The following PLEKHG6 variants were observed in gnomAD, a reference collection of about 807,000 sequenced individuals.
The protein encoded by PLEKHG6 is pleckstrin homology and RhoGEF domain containing G6, also known as pleckstrin homology domain-containing family G member 6.
In PLEKHG6, 91 loss-of-function variants were observed where a neutral mutation model predicts 97.5. The ratio of observed to expected loss-of-function variants is 0.93; its 90% CI spans 0.79 to 1.11. The LOEUF is 1.11. PLEKHG6 is among the 50% of genes most tolerant of loss of function. The pLI is 0.00. For missense variants in PLEKHG6, 1,044 were observed against 1,031.0 expected (o/e 1.01, Z -0.17); for synonymous variants, 466 against 425.5 (o/e 1.10, Z -1.17).
Position 6,317,971 on chromosome 12 carries a change from C to A in PLEKHG6, c.1132C>A (p.Pro378Thr). 1 of 1,589,686 alleles carries A rather than the reference C, an allele frequency of 6.3e-7. No individual in the cohort carries two copies. The highest frequency in any genetic ancestry group is 1.1e-5 in the South Asian group (1 of 87,094). The change falls in exon 10 of 16, where the codon CCA (proline) becomes ACA (threonine). Residue 378 changes from proline (P) to threonine (T), a missense_variant. Coordinates refer to ENST00000684764, the MANE Select transcript of PLEKHG6 (RefSeq NM_001384598.1). ...QRIGPYEVLE[P>T]PSDEVEKNLR... The stretch of plus-strand genomic sequence containing the variant: ...CATCGGGCCCTACGAGGTGCTGGAG[C>A]CACCCAGTGATGAGGTGGAGAAGGT...
At chr12:6,312,632 A>C in intron 2 of PLEKHG6, 1 of 1,258,354 alleles carries the variant, frequency 7.9e-7, no homozygotes, top group Non-Finnish European at 1.0e-6. Flanking sequence ...GTCTCAGACA[A>C]AGAGCTGCGG....
chr12:6,326,065 G>A (rs1947846177), intron 13 of PLEKHG6, among the ~76,000 whole-genome samples: 1 of 152,056 alleles, frequency 6.6e-6, no homozygotes, highest in Non-Finnish European at 1.5e-5. Flanking sequence ...CCAGCACTTT[G>A]GGAGGCCAAG....
chr12:6,322,806 G>A lies in PLEKHG6; in HGVS notation c.1525-3622G>A, dbSNP rs144856467. On this transcript the variant is annotated intron_variant, in intron 13 of 15. Transcript: ENST00000684764. ...TGAGGTGGGAGGATCACTTGAACCC[G>A]GGAGATAGAGCCTGCGGTGAGCTAT... 1.1e-4 allele frequency among the ~76,000 whole-genome samples: 17 copies of A among 152,228 alleles called. No individual in the cohort carries two copies. The East Asian group carries it at 2.9e-3, about 26-fold the overall frequency.
intron 13 of PLEKHG6, 98 bp from the exon 14 acceptor site, chr12:6,326,330 A>G: frequency 1.5e-6 from 1 of 687,198 alleles, no homozygotes; most frequent in Non-Finnish European, 2.4e-6. Flanking sequence ...TAATAAAATA[A>G]AATAAGGTAA....
At chr12:6,318,075 AC>A in intron 10 of PLEKHG6, 81 bp downstream of exon 10, 1 of 1,461,768 alleles carries the variant, frequency 6.8e-7, no homozygotes, top group Non-Finnish European at 9.2e-7. Context: ...AGGCCAGAAC[AC>A]CCCGTACTTG....
chr12:6,317,894 G>A lies in PLEKHG6; in HGVS notation c.1055G>A (p.Gly352Glu). 1 of 1,558,014 alleles carries A rather than the reference G, an allele frequency of 6.4e-7. No individual in the cohort carries two copies. Among genetic ancestry groups the A allele is most frequent in the Non-Finnish European group, 8.7e-7 (1 of 1,150,202 alleles). ...AVESFLRHIN[G>E]QVRQGEEQES... ...GAGTCATTCCTGCGACACATCAATG[G>A]GCAGGTCCGCCAGGGCGAAGAGCAA... The change falls in exon 10 of 16, where the codon GGG becomes GAG. Residue 352 changes from glycine (G) to glutamate (E), a missense_variant. Transcript: ENST00000684764.
chr12:6,322,638 G>A (rs2136774461), intron 13 of PLEKHG6, among the ~76,000 whole-genome samples: 1 of 152,342 alleles, frequency 6.6e-6, no homozygotes, highest in Middle Eastern at 3.4e-3. Flanking sequence ...CCAGCACTTT[G>A]AGAGGCTGAG....
In PLEKHG6 at chr12:6,328,117, C is replaced by T. The variant is rs1316532605; in HGVS notation, c.2364-19C>T. On this transcript the variant is annotated intron_variant, in intron 15 of 15. Transcript: ENST00000684764. ...CGTTGCCACTGAATGTCGCCTAACA[C>T]CCCCTCCTGTCTTTTCAGAGAGGTA... 1 of 1,613,898 alleles carries T rather than the reference C, an allele frequency of 6.2e-7. No individual in the cohort carries two copies. The highest frequency in any genetic ancestry group is 8.5e-7 in the Non-Finnish European group (1 of 1,179,782).
chr12:6,313,453 G>A (rs2136720425), intron 2 of PLEKHG6, among the ~76,000 whole-genome samples, 176 bp from the exon 3 acceptor site: 1 of 152,338 alleles, frequency 6.6e-6, no homozygotes, highest in Non-Finnish European at 1.5e-5. Context: ...GGCAGTGGCC[G>A]CTGTGACTCA....
At chr12:6,322,401 C>T (rs1244936271) in intron 13 of PLEKHG6, among the ~76,000 whole-genome samples, 1 of 152,076 alleles carries the variant, frequency 6.6e-6, no homozygotes, top group Non-Finnish European at 1.5e-5. Flanking sequence ...AAAAACACAC[C>T]CCAAGGGGAG....
At position 6,312,578 on chromosome 12, in the gene PLEKHG6, G is replaced by A. The variant is rs77218639; in HGVS notation, c.138+214G>A. The A allele has an allele frequency of 1.6e-3, 2,065 of 1,257,718 alleles. 23 individuals carry two copies. In the African/African-American group the frequency reaches 0.025, roughly 15 times the overall value. The allele number at this position is 1,257,718 out of a possible 1,614,324, so 77.9% of individuals were successfully genotyped here. A position where few individuals can be genotyped will look rare whatever the true frequency, so the allele number is the denominator to read the frequency against. On this transcript the variant is annotated intron_variant, in intron 2 of 15. Coordinates refer to ENST00000684764, the MANE Select transcript of PLEKHG6 (RefSeq NM_001384598.1). ...GTCCCAGCAGCTGGGCAGGAGAGGC[G>A]GAGCCAGGAGAAGCCAGGCCCTCCG...
chr12:6,317,464 T>A (rs903750175), intron 8 of PLEKHG6, 51 bp downstream of exon 8: 3 of 1,610,584 alleles, frequency 1.9e-6, no homozygotes, highest in Non-Finnish European at 2.5e-6. Flanking sequence ...AGCCGGCCGG[T>A]CTCCAGCTGA....
Position 6,327,676 on chromosome 12 carries a change from C to T in PLEKHG6, c.2093C>T (p.Pro698Leu), listed in dbSNP as rs1248879099. ...ARLRGQLPSS[P>L]THADSAGESP... Reference sequence around the variant, plus strand: ...CTTCGGGGCCAGCTTCCCTCCTCCCCAACCCATGCTGACTCTGCCGGGGAA... The same window carrying T: ...CTTCGGGGCCAGCTTCCCTCCTCCCTAACCCATGCTGACTCTGCCGGGGAA... Residue 698 changes from proline to leucine, a missense_variant, in exon 15 of 16, where the codon CCA becomes CTA. Transcript: ENST00000684764. The T allele has an allele frequency of 2.6e-6, 4 of 1,565,062 alleles. No individual in the cohort carries two copies. Among genetic ancestry groups the T allele is most frequent in the East Asian group, 2.3e-5 (1 of 43,402 alleles).
chr12:6,327,487 C>CCCCAA lies in PLEKHG6; in HGVS notation c.1904_1905insCCCAA (p.Asp637IlefsTer20). 6.2e-7 allele frequency: 1 copy of CCCCAA among 1,600,698 alleles called. No homozygotes were observed. The highest frequency in any genetic ancestry group is 8.5e-7 in the Non-Finnish European group (1 of 1,171,904). ...CGGGACATCCCTCTGCGTCCCCACC[C>CCCCAA]TCCCGACCCCCAAGCTCCTCAACGC... On this transcript the variant is annotated frameshift_variant, in exon 15 of 16. Transcript: ENST00000684764. LOFTEE classifies it high-confidence loss of function.
Position 6,318,338 on chromosome 12 carries a change from C to T in PLEKHG6, c.1193C>T (p.Pro398Leu). ...RPFSTLDLTS[P>L]MLGVASEHTR... ...TTCTCCACCCTGGACCTGACGTCCC[C>T]CATGCTGGGGGTTGCATCTGAGCAC... is the stretch of plus-strand genomic sequence containing the variant. Residue 398 changes from proline to leucine, a missense_variant, in exon 11 of 16, where the codon CCC becomes CTC. By Grantham distance (98) the Pro-to-Leu change is moderately conservative. Transcript: ENST00000684764. The T allele has an allele frequency of 6.2e-7, 1 of 1,614,100 alleles. No individual in the cohort carries two copies. Among genetic ancestry groups the T allele is most frequent in the Non-Finnish European group, 8.5e-7 (1 of 1,179,992 alleles).
intron 10 of PLEKHG6, 115 bp from the exon 11 acceptor site, chr12:6,318,186 C>A: frequency 1.3e-6 from 2 of 1,530,380 alleles, no homozygotes; most frequent in Non-Finnish European, 1.8e-6. Flanking sequence ...TTCTCTAGCC[C>A]ATGGGGGAAG....
rs1947858605 is a variant in PLEKHG6, at chr12:6,326,454, G to T, written c.1551G>T (p.Glu517Asp). The part of the protein sequence containing the change: ...AQAALQKLKA[E>D]EYVQQKRELL... The stretch of plus-strand genomic sequence containing the variant: ...CCGCCCTACAGAAGCTGAAGGCAGA[G>T]GAGTATGTTCAACAGAAGAGGGAGC... Residue 517 changes from glutamate to aspartate, a missense_variant, in exon 14 of 16, where the codon GAG becomes GAT. Coordinates refer to ENST00000684764, the MANE Select transcript of PLEKHG6 (RefSeq NM_001384598.1). 2.5e-6 allele frequency: 4 copies of T among 1,613,848 alleles called. No homozygotes were observed. The Middle Eastern group carries it at 5.0e-4, about 200-fold the overall frequency.
At chr12:6,312,828 C>T (rs1176293920) in intron 2 of PLEKHG6, 2 of 1,255,380 alleles carry the variant, frequency 1.6e-6, no homozygotes, top group East Asian at 7.1e-5. Context: ...CCACCCCTGG[C>T]TCCACCTGCC....
At chr12:6,313,100 T>C in intron 2 of PLEKHG6, 2 of 1,535,228 alleles carry the variant, frequency 1.3e-6, no homozygotes, top group Middle Eastern at 3.4e-4. Context: ...GCTGTGTGGC[T>C]GTGGCTTCAG....
Sources: gnomAD v4.1 joint callset for allele counts (sites outside exome capture counted in the v4.1 genomes callset) on GRCh38, gnomAD v4.1.1 for gene constraint, MANE v1.5 for transcripts, NCBI Gene and HGNC (gene_info 2026-07-23, HGNC 2026-07-21) for gene names.